The following ZNF431 variants were observed in gnomAD, a reference collection of about 807,000 sequenced individuals.
The protein encoded by ZNF431 is zinc finger protein 431.
A neutral mutation model predicts 57.0 loss-of-function variants in ZNF431; 34 were observed. That is an observed-to-expected ratio of 0.60 (90% CI 0.45 to 0.79). The LOEUF (loss-of-function observed/expected upper bound fraction) is 0.79, where lower values mean the gene tolerates loss of function less well. Ranked by LOEUF, ZNF431 falls within the 30% of genes least tolerant of loss-of-function variation. The probability of loss-of-function intolerance (pLI) is 0.00; values close to 1 mark genes in which losing one functional copy is unlikely to be tolerated. For synonymous variants in ZNF431, 207 were observed against 220.3 expected (o/e 0.94, Z 0.54); for missense variants, 607 against 667.1 (o/e 0.91, Z 0.99).
intron 2 of ZNF431, among the ~76,000 whole-genome samples, chr19:21,144,449 C>T (rs1351318749): frequency 6.6e-6 from 1 of 152,064 alleles, no homozygotes; most frequent in African/African-American, 2.4e-5. Flanking sequence ...GATGATCTGC[C>T]TGCCTCAGCC....
rs1227110029 is a variant in ZNF431, at chr19:21,170,953, G to T, written c.319+3287G>T. On this transcript the variant is annotated intron_variant, in intron 4 of 4. Transcript: ENST00000311048. Reference sequence around the variant, plus strand: ...CTCCCAGATTGCTGGGATTACAGGCGTGAGCCATTGTGCCCGGCCCAACAT... The same window carrying T: ...CTCCCAGATTGCTGGGATTACAGGCTTGAGCCATTGTGCCCGGCCCAACAT... 2.0e-5 allele frequency among the ~76,000 whole-genome samples: 3 copies of T among 152,158 alleles called. No individual in the cohort carries two copies. The East Asian group carries it at 5.8e-4, about 29-fold the overall frequency.
At chr19:21,151,728 AG>A (rs1225538957) in intron 2 of ZNF431, among the ~76,000 whole-genome samples, 1 of 152,196 alleles carries the variant, frequency 6.6e-6, no homozygotes, top group African/African-American at 2.4e-5. Flanking sequence ...TTCTATCCTA[AG>A]GTACCCCTCT....
chr19:21,156,693 CTTGT>C (rs754827997), intron 2 of ZNF431, among the ~76,000 whole-genome samples: 3,097 of 148,802 alleles, frequency 0.021, 47 homozygotes, highest in Non-Finnish European at 0.028. Context: ...ATAACTTAAT[CTTGT>C]TTTTTTTTTT....
chr19:21,150,904 A>G (rs1970253124), intron 2 of ZNF431, among the ~76,000 whole-genome samples: 1 of 151,878 alleles, frequency 6.6e-6, no homozygotes, highest in Non-Finnish European at 1.5e-5. Context: ...AGAAGGCTCT[A>G]TCCACCTTCA....
rs1300753825 is a variant in ZNF431, at chr19:21,192,821, T to C, written c.*8787T>C. On this transcript the variant is annotated 3_prime_UTR_variant, in exon 5 of 5. Transcript: ENST00000311048. The stretch of plus-strand genomic sequence containing the variant: ...AGGGAATGTCAAATTCTGTCAAACT[T>C]CTATTGTGCATCCATTTTTTTCTCT... 1 of 152,214 alleles carries C rather than the reference T, an allele frequency of 6.6e-6. No individual in the cohort carries two copies. Among genetic ancestry groups the C allele is most frequent in the African/African-American group, 2.4e-5 (1 of 41,462 alleles). The allele number at this position is 152,214 out of a possible 1,614,324, so 9.4% of individuals were successfully genotyped here. A position where few individuals can be genotyped will look rare whatever the true frequency, so the allele number is the denominator to read the frequency against.
intron 4 of ZNF431, among the ~76,000 whole-genome samples, chr19:21,176,799 G>A (rs1394254925): frequency 6.6e-6 from 1 of 151,980 alleles, no homozygotes; most frequent in Admixed American, 6.6e-5. Flanking sequence ...CCGGGTTCAA[G>A]CAATTCTCTG....
intron 4 of ZNF431, among the ~76,000 whole-genome samples, chr19:21,172,739 A>G (rs1315763772): frequency 6.6e-6 from 1 of 152,192 alleles, no homozygotes; most frequent in Non-Finnish European, 1.5e-5. Context: ...TTGAGGCTGA[A>G]GTGAGACATA....
chr19:21,166,567 A>G (rs1970726310), intron 3 of ZNF431, 106 bp downstream of exon 3: 20 of 1,301,528 alleles, frequency 1.5e-5, no homozygotes, highest in East Asian at 2.5e-5. Flanking sequence ...ATGAGTTTCT[A>G]ATCCCAGTTT....
chr19:21,150,468 C>A (rs1970239782), intron 2 of ZNF431: 1 of 216,842 alleles, frequency 4.6e-6, no homozygotes, highest in South Asian at 7.4e-5. Context: ...GCTTCTTTGT[C>A]AGTTTCTTAA....
At chr19:21,161,238 G>T (rs948585642) in intron 2 of ZNF431, among the ~76,000 whole-genome samples, 1 of 152,128 alleles carries the variant, frequency 6.6e-6, no homozygotes, top group South Asian at 2.1e-4. Context: ...GTCTAGACTA[G>T]CAACTGGGTA....
intron 2 of ZNF431, chr19:21,150,306 T>G (rs1970234706): frequency 4.5e-6 from 2 of 447,986 alleles, no homozygotes; most frequent in Non-Finnish European, 8.4e-6. Context: ...TTGGGCTGGA[T>G]GTCCTGCCCA....
At chr19:21,169,195 G>A (rs1332229936) in intron 4 of ZNF431, among the ~76,000 whole-genome samples, 1 of 152,056 alleles carries the variant, frequency 6.6e-6, no homozygotes, top group Non-Finnish European at 1.5e-5. Context: ...TTACAGGTGT[G>A]AACCACTGCG....
At chr19:21,179,107 T>C (rs943710200) in intron 4 of ZNF431, among the ~76,000 whole-genome samples, 1 of 152,226 alleles carries the variant, frequency 6.6e-6, no homozygotes, top group Non-Finnish European at 1.5e-5. Flanking sequence ...AGGATGGATG[T>C]GTCCAGGAAT....
At chr19:21,175,778 T>C (rs1318466335) in intron 4 of ZNF431, among the ~76,000 whole-genome samples, 1 of 152,192 alleles carries the variant, frequency 6.6e-6, no homozygotes, top group Non-Finnish European at 1.5e-5. Context: ...TGGCTGCATA[T>C]TAGTCTATGG....
chr19:21,161,627 G>C (rs1190008518), intron 2 of ZNF431, among the ~76,000 whole-genome samples: 1 of 152,074 alleles, frequency 6.6e-6, no homozygotes, highest in East Asian at 1.9e-4. Context: ...AGGGTCCAGT[G>C]CCTAACCCAG....
chr19:21,166,497 C>T, intron 3 of ZNF431, 36 bp downstream of exon 3: 4 of 1,557,730 alleles, frequency 2.6e-6, no homozygotes, highest in East Asian at 2.3e-5. Context: ...CTTAATATGC[C>T]CTAAATGTTT....
At position 21,188,984 on chromosome 19, in the gene ZNF431, A is replaced by C. The variant is rs1344953673; in HGVS notation, c.*4950A>C. 6.6e-6 allele frequency: 1 copy of C among 152,216 alleles called. No homozygotes were observed. The highest frequency in any genetic ancestry group is 1.5e-5 in the Non-Finnish European group (1 of 68,030). The allele number at this position is 152,216 out of a possible 1,614,324, so 9.4% of individuals were successfully genotyped here. A position where few individuals can be genotyped will look rare whatever the true frequency, so the allele number is the denominator to read the frequency against. Reference sequence around the variant, plus strand: ...AAGTTTCTATGGTTATGATTAAAAAATTAAATGACAATAATAGCCCCAAAA... The same window carrying C: ...AAGTTTCTATGGTTATGATTAAAAACTTAAATGACAATAATAGCCCCAAAA... On this transcript the variant is annotated 3_prime_UTR_variant, in exon 5 of 5. Transcript: ENST00000311048.
intron 4 of ZNF431, among the ~76,000 whole-genome samples, chr19:21,181,713 A>G (rs1971215124): frequency 1.3e-5 from 2 of 151,524 alleles, no homozygotes; most frequent in African/African-American, 2.4e-5. Flanking sequence ...CTGATTTTCT[A>G]TAGTTGTCTG....
Position 21,177,896 on chromosome 19 carries a change from C to G in ZNF431, c.320-4727C>G, listed in dbSNP as rs556473215. Among the ~76,000 whole-genome samples the G allele has an allele frequency of 2.6e-5, 4 of 151,598 alleles. No homozygotes were observed. In the South Asian group the frequency reaches 8.3e-4, roughly 32 times the overall value. ...TGAAGAATGTTAGTGGTAGTTTAGT[C>G]AGAATAGCATGGAATCTATAAATTA... On this transcript the variant is annotated intron_variant, in intron 4 of 4. Transcript: ENST00000311048.
Sources: allele counts gnomAD v4.1 joint callset (sites outside exome capture counted in the v4.1 genomes callset), GRCh38; gene constraint gnomAD v4.1.1; transcripts MANE v1.5; gene names NCBI Gene and HGNC (gene_info 2026-07-23, HGNC 2026-07-21).